RAP1GDS1: variants seen among roughly 807,000 people sequenced by gnomAD.
RAP1GDS1 encodes the protein RAP1, GTP-GDP dissociation stimulator 1.
RAP1GDS1 carries 35 observed loss-of-function variants against 71.1 expected under a neutral mutation model. The observed-to-expected ratio is 0.49, with a 90% confidence interval of 0.38 to 0.65. RAP1GDS1 has a LOEUF of 0.65. Ranked by LOEUF, RAP1GDS1 falls within the 30% of genes least tolerant of loss-of-function variation. The pLI is 0.00. For synonymous variants in RAP1GDS1, 229 were observed against 243.1 expected, an observed-to-expected ratio of 0.94 and a Z score of 0.54; for missense variants, 663 against 706.1, an observed-to-expected ratio of 0.94 and a Z score of 0.69.
At chr4:98,392,179 G>A in intron 6 of RAP1GDS1, 99 bp downstream of exon 6, 1 of 1,125,908 alleles carries the variant, frequency 8.9e-7, no homozygotes, top group South Asian at 2.0e-5. Flanking sequence ...CATTTAGATT[G>A]TATTAGTTTA....
chr4:98,299,619 G>GT (rs374591862), intron 2 of RAP1GDS1, among the ~76,000 whole-genome samples: 101 of 144,750 alleles, frequency 7.0e-4, no homozygotes, highest in South Asian at 2.2e-3. Flanking sequence ...AAAGAAAGTG[G>GT]TTTTTTTTTT....
chr4:98,271,422 G>A (rs895381879), intron 1 of RAP1GDS1, among the ~76,000 whole-genome samples: 4 of 152,046 alleles, frequency 2.6e-5, no homozygotes, highest in African/African-American at 9.7e-5. Context: ...TTCCTGTGGT[G>A]TAAATACTCC....
rs36034058 is a variant in RAP1GDS1 at position 98,438,567 on chromosome 4, C to CATATATATATATATATATATAT, written c.1696+1500_1696+1521dup. On this transcript the variant is annotated intron_variant, in intron 14 of 14. Transcript: ENST00000408927. ...TTTTAATCATTTACATTTATTCTTCCATATATATATATATATATATATCTT... is the reference window on the plus strand; with the variant it reads ...TTTTAATCATTTACATTTATTCTTCCATATATATATATATATATATATATATATATATATATATATATATCTT... Among the ~76,000 whole-genome samples, 178 of 104,638 alleles carry CATATATATATATATATATATAT rather than the reference C, an allele frequency of 1.7e-3. 1 individual carries two copies. Among genetic ancestry groups the CATATATATATATATATATATAT allele is most frequent in the Non-Finnish European group, 2.2e-3 (124 of 57,046 alleles). 68.6% of individuals were successfully genotyped at this position (104,638 alleles called of 152,430 possible).
At chr4:98,282,819 G>A (rs1031793006) in intron 1 of RAP1GDS1, among the ~76,000 whole-genome samples, 2 of 152,046 alleles carry the variant, frequency 1.3e-5, no homozygotes, top group African/African-American at 4.8e-5. Flanking sequence ...GGTGTGTTGT[G>A]TATTTGTTCT....
chr4:98,317,844 C>CTT (rs1425308841), intron 2 of RAP1GDS1, among the ~76,000 whole-genome samples: 15 of 143,274 alleles, frequency 1.0e-4, no homozygotes, highest in Middle Eastern at 3.5e-3. Context: ...TTCTTTTCTT[C>CTT]TCTTTTTTTT....
At position 98,423,554 on chromosome 4, in the gene RAP1GDS1, G is replaced by T. The variant is rs551466947; in HGVS notation, c.1440+2160G>T. On this transcript the variant is annotated intron_variant, in intron 12 of 14. Transcript: ENST00000408927. ...TTTTTTGTTTTTTTGTTTTTTCGGG[G>T]TTTTTTTGAGACAGAGTTTCGCTCT... 3.2e-4 allele frequency among the ~76,000 whole-genome samples: 48 copies of T among 151,970 alleles called. No individual in the cohort carries two copies. In the South Asian group the frequency reaches 9.6e-3, roughly 30 times the overall value.
chr4:98,338,068 G>A (rs1284977000), intron 2 of RAP1GDS1, among the ~76,000 whole-genome samples: 1 of 152,026 alleles, frequency 6.6e-6, no homozygotes, highest in African/African-American at 2.4e-5. Context: ...ATTTAACAAG[G>A]GTCTGAACTG....
chr4:98,391,260 A>G (rs1366358634), intron 5 of RAP1GDS1, among the ~76,000 whole-genome samples: 2 of 152,140 alleles, frequency 1.3e-5, no homozygotes, highest in Non-Finnish European at 2.9e-5. Flanking sequence ...GCAAGCAATG[A>G]TGACAAGGCC....
chr4:98,401,640 A>G (rs549461578), intron 6 of RAP1GDS1, among the ~76,000 whole-genome samples: 7 of 152,196 alleles, frequency 4.6e-5, no homozygotes, highest in Non-Finnish European at 1.0e-4. Context: ...ACCTTAGTAA[A>G]TGAGGCTTCT....
At chr4:98,329,679 C>G (rs1441953032) in intron 2 of RAP1GDS1, among the ~76,000 whole-genome samples, 1 of 151,492 alleles carries the variant, frequency 6.6e-6, no homozygotes, top group Non-Finnish European at 1.5e-5. Flanking sequence ...ATCCCAGCTA[C>G]TCGGGAGGCT....
intron 4 of RAP1GDS1, among the ~76,000 whole-genome samples, chr4:98,362,969 C>T (rs753068445): frequency 1.3e-5 from 2 of 152,142 alleles, no homozygotes; most frequent in Non-Finnish European, 2.9e-5. Flanking sequence ...AGTCTCTATC[C>T]TTGTGAGGCT....
Position 98,391,955 on chromosome 4 carries a change from C to G in RAP1GDS1, c.512C>G (p.Ser171Trp), listed in dbSNP as rs768706040. 6.4e-7 allele frequency: 1 copy of G among 1,572,770 alleles called. No individual in the cohort carries two copies. The highest frequency in any genetic ancestry group is 1.2e-5 in the South Asian group (1 of 82,130). ...MLMNYSNEND[S>W]LQAQLINMGV... is the part of the protein sequence containing the mutation. ...TGTTTTTTTTTTGTTTTTACAGATT[C>G]GCTTCAAGCTCAGCTTATCAATATG... The change falls in exon 6 of 15, where the codon TCG (serine) becomes TGG (tryptophan). Residue 171 changes from serine to tryptophan, a missense_variant. Physicochemically the swap from Ser to Trp is radical, Grantham distance 177. Coordinates refer to ENST00000408927, the MANE Select transcript of RAP1GDS1 (RefSeq NM_001100427.2).
chr4:98,264,265 G>T lies in RAP1GDS1; in HGVS notation c.4+2696G>T, dbSNP rs140424972. 9.8e-3 allele frequency among the ~76,000 whole-genome samples: 1,488 copies of T among 152,078 alleles called. 12 individuals are homozygous for T. The highest frequency in any genetic ancestry group is 0.016 in the Non-Finnish European group (1,112 of 67,980). On this transcript the variant is annotated intron_variant, in intron 1 of 14. Coordinates refer to ENST00000408927, the MANE Select transcript of RAP1GDS1 (RefSeq NM_001100427.2). ...AAAACAATTAGCCGGGTGTGGTGGC[G>T]GGCGCCTGTAATCCCAGCTGTTTGG... is the stretch of plus-strand genomic sequence containing the variant.
chr4:98,398,442 G>A (rs1367578935), intron 6 of RAP1GDS1, among the ~76,000 whole-genome samples: 1 of 152,060 alleles, frequency 6.6e-6, no homozygotes, highest in Admixed American at 6.6e-5. Flanking sequence ...ACAATGCTGA[G>A]GACAAAGAAC....
intron 2 of RAP1GDS1, among the ~76,000 whole-genome samples, chr4:98,333,369 C>G (rs1430481326): frequency 1.3e-5 from 2 of 151,922 alleles, no homozygotes; most frequent in African/African-American, 2.4e-5. Context: ...AAATTTTGAA[C>G]TGTTCATTGT....
intron 2 of RAP1GDS1, among the ~76,000 whole-genome samples, chr4:98,330,127 C>T (rs566652543): frequency 2.0e-5 from 3 of 152,102 alleles, no homozygotes; most frequent in Non-Finnish European, 4.4e-5. Context: ...TCAGAAAGCA[C>T]AGGGTTGGGG....
chr4:98,318,899 C>T (rs528227279), intron 2 of RAP1GDS1, among the ~76,000 whole-genome samples: 1 of 151,992 alleles, frequency 6.6e-6, no homozygotes, highest in South Asian at 2.1e-4. Context: ...ATTCTCAGAC[C>T]ACAGTTGACT....
intron 7 of RAP1GDS1, 31 bp downstream of exon 7, chr4:98,404,633 T>C: frequency 6.3e-7 from 1 of 1,589,548 alleles, no homozygotes; most frequent in Admixed American, 1.8e-5. Context: ...TTTGGATTTT[T>C]GATCATGTAT....
At chr4:98,416,355 T>G (rs1469534435) in intron 7 of RAP1GDS1, among the ~76,000 whole-genome samples, 6 of 132,320 alleles carry the variant, frequency 4.5e-5, no homozygotes, top group Non-Finnish European at 8.0e-5. Flanking sequence ...TTTTTTTTTT[T>G]TTTTTTTTTG....
Sources: allele counts gnomAD v4.1 joint callset (sites outside exome capture counted in the v4.1 genomes callset), GRCh38; gene constraint gnomAD v4.1.1; transcripts MANE v1.5; gene names NCBI Gene and HGNC (gene_info 2026-07-23, HGNC 2026-07-21).